Variants in CCDC61 observed in about 807,000 individuals in gnomAD.
CCDC61 encodes the protein coiled-coil domain containing 61.
Under a neutral mutation model 63.0 loss-of-function variants are expected in CCDC61, and 55 were observed. The observed-to-expected ratio is 0.87, with a 90% confidence interval of 0.70 to 1.09. CCDC61 has a LOEUF of 1.09. Among genes scored for constraint, CCDC61 ranks in the 50% least tolerant of loss-of-function variants. The pLI, the probability that CCDC61 is intolerant of heterozygous loss-of-function variation, is 0.00. For synonymous variants in CCDC61, 270 were observed against 317.0 expected, an observed-to-expected ratio of 0.85 and a Z score of 1.58; for missense variants, 651 against 731.4, an observed-to-expected ratio of 0.89 and a Z score of 1.27.
intron 1 of CCDC61, among the ~76,000 whole-genome samples, chr19:46,001,063 G>C (rs1233129022): frequency 2.7e-5 from 4 of 150,804 alleles, no homozygotes; most frequent in Non-Finnish European, 5.9e-5. Context: ...TAACCCGGAC[G>C]GTGTCGCCGC....
chr19:46,003,741 GCCCT>G (rs896903214), intron 3 of CCDC61, among the ~76,000 whole-genome samples: 5 of 151,858 alleles, frequency 3.3e-5, no homozygotes, highest in African/African-American at 1.2e-4. Flanking sequence ...AATCACTCCA[GCCCT>G]AATACTCGCT....
chr19:46,015,512 G>A lies in CCDC61; in HGVS notation c.845+85G>A. The stretch of plus-strand genomic sequence containing the variant: ...TGATGAGGCGGAGCCTAAGGGGGCG[G>A]GGCGGGGCCAGGTAGGGTGGAGGGG... On this transcript the variant is annotated intron_variant, in intron 7 of 13. Transcript: ENST00000595358. The surrounding 1 kb of genome is among the most constrained non-coding windows in gnomAD (Gnocchi z 5.3). The A allele has an allele frequency of 8.7e-7, 1 of 1,146,242 alleles. No homozygotes were observed. The highest frequency in any genetic ancestry group is 1.2e-6 in the Non-Finnish European group (1 of 829,660). The allele number at this position is 1,146,242 out of a possible 1,614,324, so 71.0% of individuals were successfully genotyped here. A position where few individuals can be genotyped will look rare whatever the true frequency, so the allele number is the denominator to read the frequency against.
At chr19:46,017,505 C>T (rs758863884) in intron 12 of CCDC61, among the ~76,000 whole-genome samples, 8 of 151,832 alleles carry the variant, frequency 5.3e-5, no homozygotes, top group African/African-American at 4.8e-5. Flanking sequence ...ACTCAAGAGA[C>T]CCTCCCACCT....
chr19:46,015,881 A>T lies in CCDC61; in HGVS notation c.846-173A>T, dbSNP rs1968921563. On this transcript the variant is annotated intron_variant, in intron 7 of 13. Coordinates refer to ENST00000595358, the MANE Select transcript of CCDC61 (RefSeq NM_001267723.2). The surrounding 1 kb of genome is among the most constrained non-coding windows in gnomAD (Gnocchi z 5.3). Reference sequence around the variant, plus strand: ...TGACAGAGGGGTGTTTTAGGGGTCCAATTGGGTGAGGTCTGGGGGGGAAGA... The same window carrying T: ...TGACAGAGGGGTGTTTTAGGGGTCCTATTGGGTGAGGTCTGGGGGGGAAGA... 6.6e-6 allele frequency among the ~76,000 whole-genome samples: 1 copy of T among 151,392 alleles called. No homozygotes were observed. Among genetic ancestry groups the T allele is most frequent in the Admixed American group, 6.6e-5 (1 of 15,216 alleles).
chr19:46,014,906 GC>G (rs1382249497), intron 5 of CCDC61, 142 bp from the exon 6 acceptor site: 2 of 614,060 alleles, frequency 3.3e-6, no homozygotes, highest in South Asian at 2.4e-5. Flanking sequence ...ATAGGACCCT[GC>G]CCCTCCCCAT....
chr19:46,017,386 G>C, intron 12 of CCDC61, 82 bp downstream of exon 12: 1 of 1,342,614 alleles, frequency 7.4e-7, no homozygotes, highest in Non-Finnish European at 1.0e-6. Context: ...CAGGTGCAGA[G>C]GCGACTCTGA....
chr19:46,004,105 AT>A (rs1287519255), intron 3 of CCDC61, among the ~76,000 whole-genome samples: 1 of 151,472 alleles, frequency 6.6e-6, no homozygotes, highest in African/African-American at 2.4e-5. Flanking sequence ...TGCCCGGCTA[AT>A]TTTTTGTATT....
At chr19:46,010,355 A>G (rs1306712262) in intron 5 of CCDC61, among the ~76,000 whole-genome samples, 1 of 152,226 alleles carries the variant, frequency 6.6e-6, no homozygotes, top group Non-Finnish European at 1.5e-5. Flanking sequence ...CTCTGCCCCC[A>G]GAAAGGTGGG....
chr19:45,997,120 C>G (rs147705415), intron 1 of CCDC61, among the ~76,000 whole-genome samples: 17 of 152,272 alleles, frequency 1.1e-4, no homozygotes, highest in African/African-American at 4.1e-4. Context: ...TTGAACATAG[C>G]GAACACATTG....
Position 46,015,368 on chromosome 19 carries a change from G to T in CCDC61, c.786G>T (p.Glu262Asp), listed in dbSNP as rs1424862223. The T allele has an allele frequency of 1.2e-6, 2 of 1,602,928 alleles. No homozygotes were observed. Among genetic ancestry groups the T allele is most frequent in the Non-Finnish European group, 1.7e-6 (2 of 1,179,056 alleles). ...AGCTCGAGGAGGCGAAGGCATCGGA[G>T]CGGAGCCTGCGCGCCCGGCTGAAGA... is the stretch of plus-strand genomic sequence containing the variant. ...AKELEEAKAS[E>D]RSLRARLKTL... Residue 262 changes from glutamate to aspartate, a missense_variant, in exon 7 of 14, where the codon GAG (glutamate) becomes GAT (aspartate). Coordinates refer to ENST00000595358, the MANE Select transcript of CCDC61 (RefSeq NM_001267723.2). The surrounding 1 kb of genome is among the most constrained non-coding windows in gnomAD (Gnocchi z 5.3).
intron 1 of CCDC61, 143 bp downstream of exon 1, chr19:45,995,647 C>T: frequency 2.8e-6 from 1 of 360,206 alleles, no homozygotes; most frequent in South Asian, 2.0e-5. Flanking sequence ...TGCCCTTTAA[C>T]AAGGGTAGGC....
At chr19:46,013,790 C>G (rs898215841) in intron 5 of CCDC61, among the ~76,000 whole-genome samples, 1 of 151,398 alleles carries the variant, frequency 6.6e-6, no homozygotes, top group Non-Finnish European at 1.5e-5. Flanking sequence ...CGCTTCAACC[C>G]GGGAGGCAGA....
At chr19:46,010,171 G>A (rs181460215) in intron 5 of CCDC61, among the ~76,000 whole-genome samples, 4 of 152,300 alleles carry the variant, frequency 2.6e-5, no homozygotes, top group East Asian at 1.9e-4. Context: ...CCTAACAGGC[G>A]GGCATTCTTA....
Position 46,016,082 on chromosome 19 carries a change from C to G in CCDC61, c.874C>G (p.Pro292Ala). Residue 292 changes from proline (P) to alanine (A), a missense_variant, in exon 8 of 14, where the codon CCG becomes GCG. Pro to Ala is a conservative substitution (Grantham distance 27). Coordinates refer to ENST00000595358, the MANE Select transcript of CCDC61 (RefSeq NM_001267723.2). This position sits in a 1 kb window ranked among gnomAD's most constrained non-coding sequence, Gnocchi z 7.2. ...GCGGACTCCGCCGGTGCAGCCGCCCCCGACGCGGGAGGACCGGGCCTCATC... is the reference window on the plus strand; with the variant it reads ...GCGGACTCCGCCGGTGCAGCCGCCCGCGACGCGGGAGGACCGGGCCTCATC... Reference protein sequence around the residue: ...GRRTPPVQPPPTREDRASSSR... With the variant: ...GRRTPPVQPPATREDRASSSR... 4 of 1,234,732 alleles carry G rather than the reference C, an allele frequency of 3.2e-6. No individual in the cohort carries two copies. The allele number at this position is 1,234,732 out of a possible 1,614,324, so 76.5% of individuals were successfully genotyped here.
chr19:46,005,617 T>C (rs1227461665), intron 3 of CCDC61, among the ~76,000 whole-genome samples: 1 of 151,804 alleles, frequency 6.6e-6, no homozygotes, highest in Non-Finnish European at 1.5e-5. Context: ...AGACACCCAG[T>C]GGAAGATACA....
Position 46,018,092 on chromosome 19 carries a change from G to A in CCDC61, c.1383G>A (p.Val461=). The change falls in exon 13 of 14, where the codon GTG becomes GTA. Residue 461 remains valine, a synonymous_variant. Transcript: ENST00000595358. This position sits in a 1 kb window ranked among gnomAD's most constrained non-coding sequence, Gnocchi z 4.2. ...WSGSNMKSPP[V]ERSHHQKSLA... Reference sequence around the variant, plus strand: ...CCCATCACCAGAAGTCTCCCCCCGTGGAACGCAGCCACCATCAGAAATCTC... The same window carrying A: ...CCCATCACCAGAAGTCTCCCCCCGTAGAACGCAGCCACCATCAGAAATCTC... 1 of 1,610,704 alleles carries A rather than the reference G, an allele frequency of 6.2e-7. No individual in the cohort carries two copies. Among genetic ancestry groups the A allele is most frequent in the Non-Finnish European group, 8.5e-7 (1 of 1,178,612 alleles).
In CCDC61 at chr19:46,015,032, C is replaced by CTT. The variant is rs1159749237; in HGVS notation, c.552-16_552-15insTT. The stretch of plus-strand genomic sequence containing the variant: ...GCCATGCCTCTCTCTCCAGCGCTCT[C>CTT]TCCGCGTCTTCCCCAGGGTGTCGCG... On this transcript the variant is annotated splice_polypyrimidine_tract_variant and intron_variant, in intron 5 of 13. Coordinates refer to ENST00000595358, the MANE Select transcript of CCDC61 (RefSeq NM_001267723.2). The surrounding 1 kb of genome is among the most constrained non-coding windows in gnomAD (Gnocchi z 5.3). The CTT allele has an allele frequency of 6.7e-7, 1 of 1,488,536 alleles. No homozygotes were observed. The highest frequency in any genetic ancestry group is 8.9e-7 in the Non-Finnish European group (1 of 1,123,072). The allele number at this position is 1,488,536 out of a possible 1,614,324, so 92.2% of individuals were successfully genotyped here.
At chr19:46,017,433 T>G in intron 12 of CCDC61, 129 bp downstream of exon 12, 1 of 841,448 alleles carries the variant, frequency 1.2e-6, no homozygotes, top group Non-Finnish European at 1.8e-6. Flanking sequence ...AGAGTGCGTC[T>G]CGCTCTTTCA....
chr19:46,018,122 C>T lies in CCDC61; in HGVS notation c.1413C>T (p.Ala471=), dbSNP rs1315962956. Residue 471 remains alanine, a synonymous_variant, in exon 13 of 14, where the codon GCC becomes GCT. Coordinates refer to ENST00000595358, the MANE Select transcript of CCDC61 (RefSeq NM_001267723.2). This position sits in a 1 kb window ranked among gnomAD's most constrained non-coding sequence, Gnocchi z 4.2. Reference sequence around the variant, plus strand: ...GCAGCCACCATCAGAAATCTCTGGCCAACTCCGGGGGCTGGGTCCCCATCA... The same window carrying T: ...GCAGCCACCATCAGAAATCTCTGGCTAACTCCGGGGGCTGGGTCCCCATCA... ...VERSHHQKSL[A]NSGGWVPIKE... The T allele has an allele frequency of 1.2e-6, 2 of 1,610,114 alleles. No homozygotes were observed. The highest frequency in any genetic ancestry group is 1.7e-6 in the Non-Finnish European group (2 of 1,178,408).
Sources: gnomAD v4.1 joint callset for allele counts (sites outside exome capture counted in the v4.1 genomes callset) on GRCh38, gnomAD v4.1.1 for gene constraint, Gnocchi (gnomAD v3.1) non-coding constraint, MANE v1.5 for transcripts, NCBI Gene and HGNC (gene_info 2026-07-23, HGNC 2026-07-21) for gene names.